The following TMCO4 variants were observed in gnomAD, a reference collection of about 807,000 sequenced individuals.
The protein encoded by TMCO4 is transmembrane and coiled-coil domain-containing protein 4.
In TMCO4, 58 loss-of-function variants were observed where a neutral mutation model predicts 64.7. The ratio of observed to expected loss-of-function variants is 0.90; its 90% CI spans 0.73 to 1.12. The LOEUF is 1.12. Ranked by LOEUF, TMCO4 falls within the 50% of genes most tolerant of loss-of-function variation. The pLI is 0.00. For synonymous variants in TMCO4, 325 were observed against 346.1 expected, an observed-to-expected ratio of 0.94 and a Z score of 0.68; for missense variants, 780 against 825.9, an observed-to-expected ratio of 0.94 and a Z score of 0.68.
intron 13 of TMCO4, among the ~76,000 whole-genome samples, chr1:19,719,329 T>A (rs915343756): frequency 1.7e-4 from 26 of 152,194 alleles, no homozygotes; most frequent in Non-Finnish European, 8.8e-5. Context: ...TCACTACAGG[T>A]GCAGCTGGCA....
chr1:19,763,946 C>A (rs1300585444), intron 6 of TMCO4, among the ~76,000 whole-genome samples: 2 of 152,198 alleles, frequency 1.3e-5, no homozygotes, highest in Admixed American at 6.5e-5. Context: ...ATGATTCTTG[C>A]CTTTTGTCCT....
At chr1:19,763,682 C>T (rs1274306071) in intron 6 of TMCO4, among the ~76,000 whole-genome samples, 1 of 152,208 alleles carries the variant, frequency 6.6e-6, no homozygotes, top group Non-Finnish European at 1.5e-5. Context: ...CACCCACCAC[C>T]CTACTATCCC....
intron 2 of TMCO4, among the ~76,000 whole-genome samples, chr1:19,793,955 C>G (rs1011143836): frequency 6.6e-6 from 1 of 152,146 alleles, no homozygotes; most frequent in African/African-American, 2.4e-5. Context: ...CCTTCCTCTG[C>G]TCCAAACCCT....
intron 13 of TMCO4, among the ~76,000 whole-genome samples, chr1:19,702,592 T>G (rs1340302314): frequency 6.6e-6 from 1 of 152,068 alleles, no homozygotes; most frequent in East Asian, 1.9e-4. Context: ...AGATTCTGTC[T>G]CAAAAAGAAA....
chr1:19,746,923 CAA>C (rs199888917), intron 8 of TMCO4, among the ~76,000 whole-genome samples: 7 of 49,854 alleles, frequency 1.4e-4, no homozygotes, highest in Non-Finnish European at 1.7e-4. Context: ...GATACTGTCT[CAA>C]AAAAAAAAAA....
At chr1:19,753,355 A>G (rs1360268190) in intron 7 of TMCO4, among the ~76,000 whole-genome samples, 1 of 152,198 alleles carries the variant, frequency 6.6e-6, no homozygotes, top group Non-Finnish European at 1.5e-5. Context: ...ATATGTGTTA[A>G]GTAATTTAAT....
chr1:19,791,984 A>G (rs78583681), intron 2 of TMCO4, among the ~76,000 whole-genome samples: 4,567 of 152,276 alleles, frequency 0.03, 225 homozygotes, highest in African/African-American at 0.1. Flanking sequence ...GTGAGAGTGA[A>G]TAAGTCTCAG....
chr1:19,715,508 G>C (rs1335985625), intron 13 of TMCO4, among the ~76,000 whole-genome samples: 1 of 152,198 alleles, frequency 6.6e-6, no homozygotes, highest in Admixed American at 6.5e-5. Flanking sequence ...ATAAATATTA[G>C]TTCCTTCCAC....
rs190864802 is a variant in TMCO4 at position 19,740,903 on chromosome 1, G to A, written c.916C>T (p.Arg306Cys). Residue 306 changes from arginine to cysteine, a missense_variant, in exon 11 of 16, where the codon CGT becomes TGT. Physicochemically the swap from Arg to Cys is radical, Grantham distance 180. Transcript: ENST00000294543. ...SAPWAALAHSREQYCLAWEAK... is the reference protein window; with the variant it reads ...SAPWAALAHSCEQYCLAWEAK... Reference sequence around the variant, plus strand: ...TCCCAGGCCAGGCAGTACTGCTCACGGCTGTGGGCCAGGGCAGCCCACGGG... The same window carrying A: ...TCCCAGGCCAGGCAGTACTGCTCACAGCTGTGGGCCAGGGCAGCCCACGGG... The A allele has an allele frequency of 2.6e-4, 421 of 1,613,862 alleles. 5 individuals carry two copies. The East Asian group carries it at 8.7e-3, about 33-fold the overall frequency.
intron 6 of TMCO4, among the ~76,000 whole-genome samples, chr1:19,762,496 A>C (rs1239469733): frequency 6.6e-6 from 1 of 152,206 alleles, no homozygotes; most frequent in Non-Finnish European, 1.5e-5. Context: ...CCCTGCTTCA[A>C]CAAGAGCAAG....
intron 12 of TMCO4, among the ~76,000 whole-genome samples, chr1:19,739,103 G>A (rs1028955622): frequency 2.6e-5 from 4 of 152,150 alleles, no homozygotes; most frequent in Admixed American, 1.3e-4. Context: ...CCTTGTTTAA[G>A]CCACTGTTAT....
At chr1:19,691,379 A>C (rs1194476039) in intron 15 of TMCO4, among the ~76,000 whole-genome samples, 8 of 152,194 alleles carry the variant, frequency 5.3e-5, no homozygotes, top group Non-Finnish European at 1.0e-4. Flanking sequence ...ACCTGGTGTC[A>C]GGCCAGGTGA....
At chr1:19,745,923 C>T (rs2041758610) in intron 9 of TMCO4, among the ~76,000 whole-genome samples, 1 of 152,168 alleles carries the variant, frequency 6.6e-6, no homozygotes, top group Non-Finnish European at 1.5e-5. Context: ...ATTGCTCTGC[C>T]CTGGTTCTGT....
In TMCO4 at chr1:19,737,804, G is replaced by A. The variant is rs72965399; in HGVS notation, c.1180-348C>T. 3.6e-3 allele frequency among the ~76,000 whole-genome samples: 545 copies of A among 152,362 alleles called. 4 individuals are homozygous for A. The highest frequency in any genetic ancestry group is 0.013 in the African/African-American group (523 of 41,584). ...AGAGCAACTTCCCTTGCACTGATCTGCCTTGCGGCAAATGGCTGCAGTGCT... is the reference window on the plus strand; with the variant it reads ...AGAGCAACTTCCCTTGCACTGATCTACCTTGCGGCAAATGGCTGCAGTGCT... On this transcript the variant is annotated intron_variant, in intron 12 of 15. Coordinates refer to ENST00000294543, the MANE Select transcript of TMCO4 (RefSeq NM_181719.7).
At chr1:19,700,953 C>G (rs2095268205) in intron 13 of TMCO4, 68 bp from the exon 14 acceptor site, 1 of 1,252,036 alleles carries the variant, frequency 8.0e-7, no homozygotes, top group Admixed American at 1.8e-5. Context: ...GGGACTCCAA[C>G]AGCAGTGGAG....
intron 13 of TMCO4, among the ~76,000 whole-genome samples, chr1:19,707,180 G>A (rs55667516): frequency 0.021 from 3,149 of 152,254 alleles, 101 homozygotes; most frequent in African/African-American, 0.072. Flanking sequence ...TTGGACGTTT[G>A]TCCCCTCCAG....
At chr1:19,790,085 A>G (rs1209835822) in intron 2 of TMCO4, among the ~76,000 whole-genome samples, 13 of 151,678 alleles carry the variant, frequency 8.6e-5, no homozygotes, top group Admixed American at 7.9e-4. Flanking sequence ...GAGATTCCCT[A>G]TTTAGTAAAT....
chr1:19,746,936 A>AAAAAAAAAC (rs1450992303), intron 8 of TMCO4, among the ~76,000 whole-genome samples: 25 of 150,614 alleles, frequency 1.7e-4, no homozygotes, highest in African/African-American at 5.7e-4. Flanking sequence ...AAAAAAAAAA[A>AAAAAAAAAC]AAAAAAAAAC....
rs2042980518 is a variant in TMCO4, at chr1:19,771,472, T to C, written c.190A>G (p.Thr64Ala). The change falls in exon 5 of 16, where the codon ACA becomes GCA. Residue 64 changes from threonine to alanine, a missense_variant. By Grantham distance (58) the Thr-to-Ala change is moderately conservative. Transcript: ENST00000294543. ...FPEPEHSSFC[T>A]EFMAGLVQWL... Reference sequence around the variant, plus strand: ...TGCACCAGGCCTGCCATGAACTCTGTGCAGAAGGAGCTGAAAGGCAGACAT... The same window carrying C: ...TGCACCAGGCCTGCCATGAACTCTGCGCAGAAGGAGCTGAAAGGCAGACAT... 1 of 1,613,832 alleles carries C rather than the reference T, an allele frequency of 6.2e-7. No homozygotes were observed. Among genetic ancestry groups the C allele is most frequent in the Non-Finnish European group, 8.5e-7 (1 of 1,179,976 alleles).
Sources: allele counts gnomAD v4.1 joint callset (sites outside exome capture counted in the v4.1 genomes callset), GRCh38; gene constraint gnomAD v4.1.1; transcripts MANE v1.5; gene names NCBI Gene and HGNC (gene_info 2026-07-23, HGNC 2026-07-21).